DNAAF10: variants seen among roughly 807,000 people sequenced by gnomAD.
DNAAF10 encodes dynein axonemal assembly factor 10.
A neutral mutation model predicts 43.7 loss-of-function variants in DNAAF10; 28 were observed. The ratio of observed to expected loss-of-function variants is 0.64; its 90% CI spans 0.48 to 0.88. DNAAF10 has a LOEUF of 0.88. Among genes scored for constraint, DNAAF10 ranks in the 40% least tolerant of loss-of-function variants. DNAAF10 has a pLI of 0.00. For missense variants in DNAAF10, 403 were observed against 439.1 expected (o/e 0.92, Z 0.73); for synonymous variants, 156 against 157.3 (o/e 0.99, Z 0.06).
rs200642044 is a variant in DNAAF10 at position 68,130,111 on chromosome 2, G to GATATATATATAT, written c.*1126_*1127insATATATATATAT. 7.6e-6 allele frequency: 1 copy of GATATATATATAT among 131,862 alleles called. No individual in the cohort carries two copies. Among genetic ancestry groups the GATATATATATAT allele is most frequent in the Admixed American group, 7.8e-5 (1 of 12,836 alleles). 8.2% of individuals were successfully genotyped at this position (131,862 alleles called of 1,614,324 possible). The stretch of plus-strand genomic sequence containing the variant: ...AGACCAACCGTGCCGTTTTGAGAGA[G>GATATATATATAT]AGAGATATATATATATATATTTGTT... On this transcript the variant is annotated 3_prime_UTR_variant, in exon 8 of 8. Transcript: ENST00000295121.
intron 1 of DNAAF10, among the ~76,000 whole-genome samples, chr2:68,152,335 T>C (rs1673477762): frequency 6.6e-6 from 1 of 152,220 alleles, no homozygotes; most frequent in Non-Finnish European, 1.5e-5. Context: ...ATTATGAACA[T>C]ATTAAACGTA....
In DNAAF10 at chr2:68,155,038, T is replaced by C. The variant is rs1162842744; in HGVS notation, c.183+2223A>G. ...ATCCACCCCACTGCCTCCCAAAGTG[T>C]TGGAATTGCAGGCGTTAGCCACTGC... On this transcript the variant is annotated intron_variant, in intron 1 of 7. Transcript: ENST00000295121. 3.9e-5 allele frequency among the ~76,000 whole-genome samples: 6 copies of C among 152,196 alleles called. No homozygotes were observed. In the East Asian group the frequency reaches 1.2e-3, roughly 29 times the overall value.
chr2:68,142,273 T>C (rs1975598), intron 3 of DNAAF10, among the ~76,000 whole-genome samples: 62,173 of 151,976 alleles, frequency 0.41, 13,037 homozygotes, highest in South Asian at 0.62. Context: ...TTCTTTCTTT[T>C]GTTTTGAGAT....
In DNAAF10 at chr2:68,147,454, T is replaced by C. The variant is rs752174390; in HGVS notation, c.284+13A>G. 1.4e-5 allele frequency: 22 copies of C among 1,595,580 alleles called. No individual in the cohort carries two copies. The South Asian group carries it at 2.4e-4, about 18-fold the overall frequency. Reference sequence around the variant, plus strand: ...CTATCTCATCTGTCTGAATACTGACTAAATCATCTTACCATATATGAAGGT... The same window carrying C: ...CTATCTCATCTGTCTGAATACTGACCAAATCATCTTACCATATATGAAGGT... On this transcript the variant is annotated intron_variant, in intron 2 of 7. Transcript: ENST00000295121.
In DNAAF10 at chr2:68,157,451, C is replaced by T; in HGVS notation, c.-8G>A. On this transcript the variant is annotated 5_prime_UTR_variant, in exon 1 of 8. Coordinates refer to ENST00000295121, the MANE Select transcript of DNAAF10 (RefSeq NM_138458.4). ...CTTCTCGAAGGCCGACATGGTGCAG[C>T]CAATTTCAGCTACGGCAACCGCCAC... is the stretch of plus-strand genomic sequence containing the variant. 1 of 1,614,116 alleles carries T rather than the reference C, an allele frequency of 6.2e-7. No homozygotes were observed. The highest frequency in any genetic ancestry group is 1.3e-5 in the African/African-American group (1 of 75,058).
intron 4 of DNAAF10, among the ~76,000 whole-genome samples, chr2:68,139,328 A>G (rs1435150345): frequency 6.6e-6 from 1 of 152,112 alleles, no homozygotes; most frequent in Non-Finnish European, 1.5e-5. Context: ...TTCTGCCATG[A>G]GCAGACAATT....
rs753325173 is a variant in DNAAF10, at chr2:68,131,308, C to T, written c.1004G>A (p.Gly335Asp). The change falls in exon 8 of 8, where the codon GGT becomes GAT. Residue 335 changes from glycine to aspartate, a missense_variant. Coordinates refer to ENST00000295121, the MANE Select transcript of DNAAF10 (RefSeq NM_138458.4). ...SSLDWSPDKR[G>D]LCVCSSFDQT... ...GTCAAATGAACTACAGACGCAGAGA[C>T]CCCTTTTATCTGGACTCCAATCCAA... The T allele has an allele frequency of 6.2e-6, 10 of 1,613,976 alleles. No homozygotes were observed. The South Asian group carries it at 8.8e-5, about 14-fold the overall frequency.
chr2:68,141,859 T>C (rs1326698537), intron 3 of DNAAF10, 64 bp from the exon 4 acceptor site: 47 of 1,358,026 alleles, frequency 3.5e-5, no homozygotes, highest in Non-Finnish European at 1.1e-6. Context: ...CTTTTCTACA[T>C]TCTTCTTCTA....
Position 68,131,384 on chromosome 2 carries a change from A to T in DNAAF10, c.928T>A (p.Ser310Thr). 6.2e-7 allele frequency: 1 copy of T among 1,614,200 alleles called. No homozygotes were observed. The highest frequency in any genetic ancestry group is 8.5e-7 in the Non-Finnish European group (1 of 1,180,036). Residue 310 changes from serine to threonine, a missense_variant, in exon 8 of 8, where the codon TCT (serine) becomes ACT (threonine). Transcript: ENST00000295121. ...SEGIEMGVAG[S>T]VSLLQNVTLS... The stretch of plus-strand genomic sequence containing the variant: ...GTAACATTCTGCAGAAGGCTTACAG[A>T]ACCTGCGACTCCCATTTCTATTCCC...
In DNAAF10 at chr2:68,136,770, C is replaced by T. The variant is rs188978001; in HGVS notation, c.768+529G>A. Among the ~76,000 whole-genome samples the T allele has an allele frequency of 1.6e-3, 246 of 152,082 alleles. 2 individuals carry two copies. Among genetic ancestry groups the T allele is most frequent in the African/African-American group, 5.6e-3 (232 of 41,468 alleles). ...CTTTCCTCATCTATTGGTCTAACGC[C>T]ATAATACCGCATTTCCCTCTCAGCT... On this transcript the variant is annotated intron_variant, in intron 6 of 7. Coordinates refer to ENST00000295121, the MANE Select transcript of DNAAF10 (RefSeq NM_138458.4).
At chr2:68,155,502 A>G (rs1558614319) in intron 1 of DNAAF10, among the ~76,000 whole-genome samples, 1 of 152,076 alleles carries the variant, frequency 6.6e-6, no homozygotes, top group South Asian at 2.1e-4. Flanking sequence ...TCAAAAAAAA[A>G]AAAGAAAGAA....
At chr2:68,136,372 A>C (rs902606974) in intron 6 of DNAAF10, among the ~76,000 whole-genome samples, 1 of 152,210 alleles carries the variant, frequency 6.6e-6, no homozygotes, top group African/African-American at 2.4e-5. Flanking sequence ...ATATTCTGAA[A>C]TGACAAAAGC....
At chr2:68,146,914 T>C (rs1011874735) in intron 2 of DNAAF10, among the ~76,000 whole-genome samples, 1 of 152,216 alleles carries the variant, frequency 6.6e-6, no homozygotes, top group Non-Finnish European at 1.5e-5. Flanking sequence ...TTTCAATTCA[T>C]TCCACTCTAA....
In DNAAF10 at chr2:68,130,107, G is replaced by GATATATATATATATATATATATATAT. The variant is rs70949671; in HGVS notation, c.*1130_*1131insATATATATATATATATATATATATAT. ...ATCTAGACCAACCGTGCCGTTTTGA[G>GATATATATATATATATATATATATAT]AGAGAGAGATATATATATATATATT... is the stretch of plus-strand genomic sequence containing the variant. On this transcript the variant is annotated 3_prime_UTR_variant, in exon 8 of 8. Transcript: ENST00000295121. 34 of 120,366 alleles carry GATATATATATATATATATATATATAT rather than the reference G, an allele frequency of 2.8e-4. 1 individual carries two copies. The highest frequency in any genetic ancestry group is 1.3e-3 in the African/African-American group (30 of 23,944). The allele number at this position is 120,366 out of a possible 1,614,324, so 7.5% of individuals were successfully genotyped here.
chr2:68,138,666 G>C (rs1259428191), intron 5 of DNAAF10, 76 bp downstream of exon 5: 3 of 1,111,322 alleles, frequency 2.7e-6, no homozygotes, highest in East Asian at 2.4e-5. Context: ...TACTAGAGGT[G>C]TTTTCCTTTT....
chr2:68,132,563 G>C (rs1672948500), intron 7 of DNAAF10, among the ~76,000 whole-genome samples: 3 of 151,086 alleles, frequency 2.0e-5, no homozygotes, highest in South Asian at 4.2e-4. Context: ...TCAAATACTT[G>C]GAAAAAAAAT....
intron 1 of DNAAF10, among the ~76,000 whole-genome samples, chr2:68,155,162 A>G (rs1001225551): frequency 6.6e-6 from 1 of 152,074 alleles, no homozygotes; most frequent in Non-Finnish European, 1.5e-5. Flanking sequence ...TCAAAAAAAA[A>G]AAAAAAATTT....
chr2:68,134,616 GAAAA>G, intron 7 of DNAAF10, 82 bp downstream of exon 7: 2 of 1,563,790 alleles, frequency 1.3e-6, no homozygotes, highest in Non-Finnish European at 1.7e-6. Context: ...GTCAAAGCAG[GAAAA>G]AAAAGAAAAA....
chr2:68,144,470 T>A (rs1324077275), intron 3 of DNAAF10, 115 bp downstream of exon 3: 15 of 1,328,180 alleles, frequency 1.1e-5, no homozygotes, highest in Non-Finnish European at 1.5e-5. Context: ...GCAAGACTGT[T>A]AGATTTAGGG....
Sources: allele counts gnomAD v4.1 joint callset (sites outside exome capture counted in the v4.1 genomes callset), GRCh38; gene constraint gnomAD v4.1.1; transcripts MANE v1.5; gene names NCBI Gene and HGNC (gene_info 2026-07-23, HGNC 2026-07-21).